MTUS2: variants seen among roughly 807,000 people sequenced by gnomAD.
MTUS2 encodes microtubule associated scaffold protein 2, also known as microtubule-associated tumor suppressor candidate 2.
Under a neutral mutation model 114.1 loss-of-function variants are expected in MTUS2, and 40 were observed. The ratio of observed to expected loss-of-function variants is 0.35; its 90% CI spans 0.27 to 0.46. MTUS2 has a LOEUF of 0.46. Ranked by LOEUF, MTUS2 falls within the 20% of genes least tolerant of loss-of-function variation. MTUS2 has a pLI of 1.00. For synonymous variants in MTUS2, 688 were observed against 672.0 expected (o/e 1.02, Z -0.37); for missense variants, 1,679 against 1,705.4 (o/e 0.98, Z 0.27).
At chr13:28,829,039 A>G (rs1874472117) in intron 1 of MTUS2, among the ~76,000 whole-genome samples, 1 of 152,230 alleles carries the variant, frequency 6.6e-6, no homozygotes, top group Non-Finnish European at 1.5e-5. Flanking sequence ...CTGCACAATA[A>G]CAATGAAAGC....
intron 5 of MTUS2, among the ~76,000 whole-genome samples, chr13:29,109,808 T>C (rs1304194604): frequency 6.6e-6 from 1 of 152,134 alleles, no homozygotes; most frequent in Non-Finnish European, 1.5e-5. Context: ...CCATGATGGA[T>C]TAATGTATCT....
chr13:29,296,931 G>A (rs1456541481), intron 6 of MTUS2, among the ~76,000 whole-genome samples: 2 of 151,964 alleles, frequency 1.3e-5, no homozygotes, highest in Admixed American at 6.6e-5. Flanking sequence ...CATTTACTGT[G>A]CAGAAGCTTT....
chr13:29,238,856 A>G (rs1362724014), intron 5 of MTUS2, among the ~76,000 whole-genome samples: 1 of 152,178 alleles, frequency 6.6e-6, no homozygotes, highest in African/African-American at 2.4e-5. Flanking sequence ...AGCCAGACAC[A>G]TGTGACAAAT....
At chr13:29,064,686 G>T (rs781701424) in intron 4 of MTUS2, among the ~76,000 whole-genome samples, 3 of 152,028 alleles carry the variant, frequency 2.0e-5, no homozygotes, top group Non-Finnish European at 4.4e-5. Context: ...ATATAGGTTA[G>T]CATGTGACAG....
chr13:28,894,327 A>AGG (rs1879130092), intron 2 of MTUS2, among the ~76,000 whole-genome samples: 1 of 7,724 alleles, frequency 1.3e-4, no homozygotes, highest in Non-Finnish European at 2.3e-4. Flanking sequence ...GGAGGGAGGG[A>AGG]GGGAGAGAGA....
chr13:29,315,353 T>G (rs1004280419), intron 6 of MTUS2, among the ~76,000 whole-genome samples: 3 of 152,236 alleles, frequency 2.0e-5, no homozygotes, highest in African/African-American at 7.2e-5. Context: ...GATCTATGTG[T>G]GAGGTGATGG....
chr13:29,333,275 G>T (rs1051730160), intron 7 of MTUS2, among the ~76,000 whole-genome samples: 2 of 152,062 alleles, frequency 1.3e-5, no homozygotes, highest in African/African-American at 4.8e-5. Flanking sequence ...TCAGCTGACT[G>T]TAACCTCCAC....
At chr13:29,340,152 T>C (rs9508378) in intron 7 of MTUS2, among the ~76,000 whole-genome samples, 123,290 of 152,106 alleles carry the variant, frequency 0.81, 50,860 homozygotes, top group East Asian at 0.9. Flanking sequence ...CATCACGGGG[T>C]GCAGCTGCAG....
At chr13:29,088,098 C>T (rs470752) in intron 4 of MTUS2, among the ~76,000 whole-genome samples, 97,885 of 150,362 alleles carry the variant, frequency 0.65, 32,797 homozygotes, top group Non-Finnish European at 0.74. Flanking sequence ...TTCTAACTTT[C>T]TGGTGTAGGT....
At chr13:29,272,469 G>C (rs1332208954) in intron 5 of MTUS2, among the ~76,000 whole-genome samples, 3 of 152,096 alleles carry the variant, frequency 2.0e-5, no homozygotes, top group African/African-American at 7.2e-5. Flanking sequence ...TTTTGGTCTG[G>C]TTAGTGTTTA....
At chr13:29,372,940 A>T (rs1871309783) in intron 8 of MTUS2, among the ~76,000 whole-genome samples, 1 of 152,228 alleles carries the variant, frequency 6.6e-6, no homozygotes. Flanking sequence ...CTATTTGAGA[A>T]CTTAAAAGGA....
intron 5 of MTUS2, among the ~76,000 whole-genome samples, chr13:29,249,008 G>A (rs986046245): frequency 6.6e-6 from 1 of 151,914 alleles, no homozygotes; most frequent in African/African-American, 2.4e-5. Flanking sequence ...TCTTTCTTTC[G>A]ACAGAGTCTC....
chr13:29,243,293 C>A (rs953957326), intron 5 of MTUS2, among the ~76,000 whole-genome samples: 1 of 152,162 alleles, frequency 6.6e-6, no homozygotes, highest in South Asian at 2.1e-4. Context: ...AGCCACTCCA[C>A]ACCCAGAAGA....
chr13:28,993,877 GTTTAT>G (rs1566276737), intron 2 of MTUS2, among the ~76,000 whole-genome samples: 1 of 151,698 alleles, frequency 6.6e-6, no homozygotes, highest in Admixed American at 6.6e-5. Flanking sequence ...ATATTCTATA[GTTTAT>G]TTTAATGTTT....
chr13:29,483,552 C>A (rs189984288), intron 10 of MTUS2, among the ~76,000 whole-genome samples: 14 of 152,236 alleles, frequency 9.2e-5, no homozygotes, highest in Admixed American at 8.5e-4. Context: ...GTTTTTGGGC[C>A]CTCCCAGGGA....
At chr13:29,461,490 A>G (rs1156831908) in intron 9 of MTUS2, among the ~76,000 whole-genome samples, 2 of 152,218 alleles carry the variant, frequency 1.3e-5, no homozygotes, top group African/African-American at 2.4e-5. Flanking sequence ...ACATACAAAT[A>G]CCTCACACAT....
chr13:29,453,294 G>A (rs905239391), intron 9 of MTUS2, among the ~76,000 whole-genome samples: 2 of 152,216 alleles, frequency 1.3e-5, no homozygotes, highest in African/African-American at 4.8e-5. Flanking sequence ...AATCGACTCA[G>A]TTGAGTTTCT....
chr13:28,960,582 G>C (rs1052934379), intron 2 of MTUS2, among the ~76,000 whole-genome samples: 2 of 152,176 alleles, frequency 1.3e-5, no homozygotes, highest in Non-Finnish European at 2.9e-5. Context: ...ATTATGCTGA[G>C]TAAAAGAAGC....
intron 9 of MTUS2, among the ~76,000 whole-genome samples, chr13:29,471,657 C>G (rs978098233): frequency 6.6e-6 from 1 of 151,940 alleles, no homozygotes; most frequent in Non-Finnish European, 1.5e-5. Flanking sequence ...TATTACCACA[C>G]GGGTGCATCA....
Sources: allele counts gnomAD v4.1 joint callset (sites outside exome capture counted in the v4.1 genomes callset), GRCh38; gene constraint gnomAD v4.1.1; transcripts MANE v1.5; gene names NCBI Gene and HGNC (gene_info 2026-07-23, HGNC 2026-07-21).